TP53I13: variants seen among roughly 807,000 people sequenced by gnomAD.
TP53I13 encodes tumor protein p53-inducible protein 13.
TP53I13 carries 27 observed loss-of-function variants against 39.1 expected under a neutral mutation model. The ratio of observed to expected loss-of-function variants is 0.69; its 90% CI spans 0.51 to 0.95. The LOEUF (loss-of-function observed/expected upper bound fraction) is 0.95, where lower values mean the gene tolerates loss of function less well. Ranked by LOEUF, TP53I13 falls within the 40% of genes least tolerant of loss-of-function variation. The pLI is 0.00. For synonymous variants in TP53I13, 230 were observed against 224.6 expected (o/e 1.02, Z -0.22); for missense variants, 544 against 520.4 (o/e 1.05, Z -0.44).
chr17:29,580,705 T>G, the TP53I13 span, among the ~76,000 whole-genome samples: 1 of 151,674 alleles, frequency 6.6e-6, no homozygotes, highest in African/African-American at 2.4e-5. Flanking sequence ...CTAAAGACAG[T>G]GGGGTCGGTG....
chr17:29,566,923 A>G (rs1428772065), upstream of TP53I13: 4 of 1,482,010 alleles, frequency 2.7e-6, no homozygotes, highest in Admixed American at 7.0e-5. Flanking sequence ...GAGAAGGGCG[A>G]GCACGGCCAA....
At chr17:29,576,199 T>A (rs2033191794), downstream of TP53I13, 1 of 1,605,442 alleles carries the variant, frequency 6.2e-7, no homozygotes, top group South Asian at 1.1e-5. Context: ...CCCCACACCT[T>A]GAGACCCATA....
chr17:29,566,338 C>T, upstream of TP53I13: 1 of 1,611,190 alleles, frequency 6.2e-7, no homozygotes, highest in Non-Finnish European at 8.5e-7. Context: ...GGACGGGTCC[C>T]CGAAAGGCTG....
chr17:29,566,459 G>A, upstream of TP53I13: 1 of 1,612,328 alleles, frequency 6.2e-7, no homozygotes, highest in Admixed American at 1.7e-5. Flanking sequence ...TTGCGGGTGA[G>A]GCGACCCCAC....
At chr17:29,578,807 G>A in the TP53I13 span, 4 of 1,609,810 alleles carry the variant, frequency 2.5e-6, no homozygotes, top group Non-Finnish European at 3.4e-6. Context: ...TGGGAATTGG[G>A]AGGAGAGGAG....
chr17:29,575,965 A>G (rs1301960419), downstream of TP53I13: 2 of 1,528,534 alleles, frequency 1.3e-6, no homozygotes, highest in East Asian at 4.5e-5. The surrounding 1 kb of genome is among the most constrained non-coding windows in gnomAD (Gnocchi z 5.5). Context: ...CCAGCAGTGC[A>G]GCAGGGACCA....
chr17:29,572,471 T>A lies in TP53I13; in HGVS notation c.843T>A (p.Cys281Ter). Reference sequence around the variant, plus strand: ...ACGGGCAAGGCAGCCCAGGGGGCTGTGTCTGTTCAAGTCAGGCTTCCCCGG... The same window carrying A: ...ACGGGCAAGGCAGCCCAGGGGGCTGAGTCTGTTCAAGTCAGGCTTCCCCGG... ...VPNGQGSPGG[C>*]VCSSQASPAP... Residue 281 changes from cysteine to a stop codon, truncating the protein, a stop_gained, in exon 6 of 7, where the codon TGT becomes TGA. Transcript: ENST00000301057. LOFTEE classifies it high-confidence loss of function. 1 of 1,591,952 alleles carries A rather than the reference T, an allele frequency of 6.3e-7. No individual in the cohort carries two copies. Among genetic ancestry groups the A allele is most frequent in the Non-Finnish European group, 8.6e-7 (1 of 1,167,984 alleles).
At chr17:29,576,911 G>C (rs563422010), downstream of TP53I13, 95 of 1,581,280 alleles carry the variant, frequency 6.0e-5, 1 homozygote, top group South Asian at 1.1e-3. Flanking sequence ...GGGGCTCCTG[G>C]TCTGTGTCCT....
the TP53I13 span, chr17:29,579,289 C>T: frequency 2.2e-6 from 1 of 465,000 alleles, no homozygotes; most frequent in East Asian, 3.6e-5. Flanking sequence ...GTTGCCTGGG[C>T]TTTGTAAGTT....
chr17:29,575,332 G>A (rs2033153253), downstream of TP53I13: 3 of 1,613,528 alleles, frequency 1.9e-6, no homozygotes, highest in South Asian at 1.1e-5. The surrounding 1 kb of genome is among the most constrained non-coding windows in gnomAD (Gnocchi z 5.5). Flanking sequence ...GTTCCTGAAT[G>A]TTCTTGGTGA....
the TP53I13 span, chr17:29,581,323 C>A: frequency 6.2e-7 from 1 of 1,603,088 alleles, no homozygotes; most frequent in Non-Finnish European, 8.5e-7. This position sits in a 1 kb window ranked among gnomAD's most constrained non-coding sequence, Gnocchi z 4.8. Context: ...AAAGGGGCAT[C>A]AGGTGGGCAC....
chr17:29,576,139 T>C, downstream of TP53I13: 1 of 1,613,670 alleles, frequency 6.2e-7, no homozygotes, highest in Non-Finnish European at 8.5e-7. Context: ...CTCCTGGGGA[T>C]GTTAGCACAG....
chr17:29,581,864 T>A, the TP53I13 span: 1 of 1,610,652 alleles, frequency 6.2e-7, no homozygotes, highest in Non-Finnish European at 8.5e-7. This position sits in a 1 kb window ranked among gnomAD's most constrained non-coding sequence, Gnocchi z 4.8. Context: ...GGCTCAGACC[T>A]GCAGCAGCAG....
chr17:29,580,752 C>T, the TP53I13 span, among the ~76,000 whole-genome samples: 5 of 151,706 alleles, frequency 3.3e-5, no homozygotes, highest in Non-Finnish European at 5.9e-5. Flanking sequence ...CCCTCCCAGC[C>T]GGAGGTAGCT....
chr17:29,575,561 C>T, downstream of TP53I13: 1 of 1,564,786 alleles, frequency 6.4e-7, no homozygotes, highest in African/African-American at 1.4e-5. This position sits in a 1 kb window ranked among gnomAD's most constrained non-coding sequence, Gnocchi z 5.5. Context: ...TCCTCACACA[C>T]TGGGGGCCCT....
upstream of TP53I13, among the ~76,000 whole-genome samples, chr17:29,567,834 C>A (rs1567758855): frequency 6.6e-6 from 1 of 152,144 alleles, no homozygotes; most frequent in Admixed American, 6.5e-5. The surrounding 1 kb of genome is among the most constrained non-coding windows in gnomAD (Gnocchi z 6.6). Flanking sequence ...TGGGAGACCA[C>A]GGAAATAACA....
downstream of TP53I13, chr17:29,574,818 G>A (rs761711973): frequency 3.7e-6 from 6 of 1,610,868 alleles, no homozygotes; most frequent in Admixed American, 1.0e-4. Flanking sequence ...GGGGCGCCGG[G>A]CTCTGGGGGC....
chr17:29,578,775 C>A, the TP53I13 span: 1 of 1,614,020 alleles, frequency 6.2e-7, no homozygotes, highest in South Asian at 1.1e-5. Context: ...TCGGATAAGT[C>A]AAGGCTGAGG....
chr17:29,578,863 G>T, the TP53I13 span: 1 of 1,554,602 alleles, frequency 6.4e-7, no homozygotes, highest in Non-Finnish European at 8.9e-7. Context: ...TCCCCAACAT[G>T]CAGGGATCCC....
Sources: allele counts gnomAD v4.1 joint callset (sites outside exome capture counted in the v4.1 genomes callset), GRCh38; gene constraint gnomAD v4.1.1; non-coding constraint Gnocchi (gnomAD v3.1); transcripts MANE v1.5; gene names NCBI Gene and HGNC (gene_info 2026-07-23, HGNC 2026-07-21).